Variants in CARMIL1 observed in about 807,000 individuals in gnomAD.
The protein encoded by CARMIL1 is F-actin-uncapping protein LRRC16A.
CARMIL1 carries 90 observed loss-of-function variants against 177.1 expected under a neutral mutation model. The ratio of observed to expected loss-of-function variants is 0.51; its 90% CI spans 0.43 to 0.61. The LOEUF is 0.61. CARMIL1 is among the 20% of genes least tolerant of loss of function. The pLI is 0.00. For synonymous variants in CARMIL1, 577 were observed against 606.2 expected, an observed-to-expected ratio of 0.95 and a Z score of 0.71; for missense variants, 1,380 against 1,667.0, an observed-to-expected ratio of 0.83 and a Z score of 3.00.
chr6:25,565,915 C>T (rs1280768743), intron 29 of CARMIL1, among the ~76,000 whole-genome samples: 1 of 152,200 alleles, frequency 6.6e-6, no homozygotes, highest in Non-Finnish European at 1.5e-5. Flanking sequence ...CTCCAATTAG[C>T]TGTTCAAAAA....
intron 29 of CARMIL1, among the ~76,000 whole-genome samples, chr6:25,570,165 C>T (rs1383928338): frequency 6.6e-6 from 1 of 152,152 alleles, no homozygotes; most frequent in African/African-American, 2.4e-5. Context: ...GGGGTTTCAC[C>T]GTGTTAGCCA....
At chr6:25,507,993 C>A (rs555067734) in intron 17 of CARMIL1, among the ~76,000 whole-genome samples, 7 of 151,988 alleles carry the variant, frequency 4.6e-5, no homozygotes, top group Non-Finnish European at 7.4e-5. Flanking sequence ...GAATAAAATA[C>A]AAGAAATATT....
intron 31 of CARMIL1, among the ~76,000 whole-genome samples, chr6:25,588,622 A>T (rs1582454791): frequency 1.3e-5 from 2 of 152,158 alleles, no homozygotes; most frequent in South Asian, 4.1e-4. Flanking sequence ...GCTTATACTC[A>T]CTCATCCACT....
intron 2 of CARMIL1, among the ~76,000 whole-genome samples, chr6:25,360,787 C>T (rs1173294150): frequency 1.3e-5 from 2 of 152,232 alleles, no homozygotes; most frequent in East Asian, 3.9e-4. Context: ...TTAGACCTTC[C>T]CTTATTCACG....
chr6:25,430,431 G>GTT (rs34148308), intron 4 of CARMIL1, among the ~76,000 whole-genome samples: 128 of 142,392 alleles, frequency 9.0e-4, no homozygotes, highest in African/African-American at 2.8e-3. Context: ...CTTTGAGAAG[G>GTT]TTTTTTTTTT....
chr6:25,325,071 A>C (rs1784965476), intron 2 of CARMIL1, among the ~76,000 whole-genome samples: 2 of 152,158 alleles, frequency 1.3e-5, no homozygotes, highest in African/African-American at 4.8e-5. Flanking sequence ...TTCTAGTGTG[A>C]TGAATATTAG....
intron 32 of CARMIL1, among the ~76,000 whole-genome samples, chr6:25,597,887 C>G (rs1227715782): frequency 6.6e-6 from 1 of 152,156 alleles, no homozygotes; most frequent in Non-Finnish European, 1.5e-5. Context: ...TTGTAGGTTG[C>G]TCTTCATTGT....
At chr6:25,544,525 C>A (rs556871710) in intron 26 of CARMIL1, among the ~76,000 whole-genome samples, 1 of 151,572 alleles carries the variant, frequency 6.6e-6, no homozygotes, top group Non-Finnish European at 1.5e-5. Flanking sequence ...GAATTATATA[C>A]CCAATGGACC....
intron 2 of CARMIL1, among the ~76,000 whole-genome samples, chr6:25,413,409 A>G (rs1474137002): frequency 6.6e-6 from 1 of 152,250 alleles, no homozygotes; most frequent in African/African-American, 2.4e-5. Flanking sequence ...CCTGTGCTGC[A>G]GTAGGCTTTA....
intron 29 of CARMIL1, among the ~76,000 whole-genome samples, chr6:25,573,379 A>G (rs1293802587): frequency 6.6e-6 from 1 of 150,936 alleles, no homozygotes; most frequent in Non-Finnish European, 1.5e-5. Context: ...CATTAGATAA[A>G]AAGAATTCTC....
intron 33 of CARMIL1, 54 bp downstream of exon 33, chr6:25,600,800 A>G: frequency 1.4e-6 from 2 of 1,387,066 alleles, no homozygotes; most frequent in Non-Finnish European, 1.9e-6. Flanking sequence ...TAATAGATGC[A>G]CACATTTTCA....
At chr6:25,472,604 T>C in intron 11 of CARMIL1, 83 bp downstream of exon 11, 1 of 1,126,488 alleles carries the variant, frequency 8.9e-7, no homozygotes, top group Non-Finnish European at 1.3e-6. Flanking sequence ...TGAAGAGCTG[T>C]ATCAAGCTAA....
At chr6:25,483,093 C>A (rs1337055046) in intron 12 of CARMIL1, among the ~76,000 whole-genome samples, 4 of 152,184 alleles carry the variant, frequency 2.6e-5, no homozygotes, top group Non-Finnish European at 5.9e-5. Flanking sequence ...CTTTGTATTA[C>A]TTCAAGATCA....
At chr6:25,362,670 A>AAAAAC (rs983768542) in intron 2 of CARMIL1, among the ~76,000 whole-genome samples, 9 of 152,160 alleles carry the variant, frequency 5.9e-5, no homozygotes, top group South Asian at 2.1e-4. Flanking sequence ...ACTCCGTCTC[A>AAAAAC]AAAACAAAAC....
chr6:25,459,242 C>CTTTCTTTCTTTCTT (rs1554200820), intron 8 of CARMIL1, among the ~76,000 whole-genome samples: 46 of 100,788 alleles, frequency 4.6e-4, no homozygotes, highest in African/African-American at 1.5e-3. Flanking sequence ...TTCTTTCTTT[C>CTTTCTTTCTTTCTT]TTTCTTTCTT....
intron 17 of CARMIL1, among the ~76,000 whole-genome samples, chr6:25,505,425 A>G (rs1461146374): frequency 6.6e-6 from 1 of 152,154 alleles, no homozygotes; most frequent in East Asian, 1.9e-4. Flanking sequence ...GTACCCAAGT[A>G]TCTGAAGAGA....
intron 24 of CARMIL1, among the ~76,000 whole-genome samples, chr6:25,530,052 T>C (rs944009360): frequency 1.7e-4 from 26 of 151,758 alleles, no homozygotes; most frequent in Admixed American, 1.6e-3. Flanking sequence ...ATGAGAGATA[T>C]TAGAGGACAG....
chr6:25,288,226 G>A (rs1461333719), intron 2 of CARMIL1, among the ~76,000 whole-genome samples: 1 of 152,202 alleles, frequency 6.6e-6, no homozygotes, highest in Non-Finnish European at 1.5e-5. Context: ...ACGTCTGGAA[G>A]CCTGAGAGAG....
At chr6:25,286,319 T>C (rs1362585912) in intron 2 of CARMIL1, among the ~76,000 whole-genome samples, 2 of 152,272 alleles carry the variant, frequency 1.3e-5, no homozygotes, top group Admixed American at 6.5e-5. Flanking sequence ...GTAAGGATTA[T>C]GCTTGTGATG....
Sources: allele counts gnomAD v4.1 joint callset (sites outside exome capture counted in the v4.1 genomes callset), GRCh38; gene constraint gnomAD v4.1.1; transcripts MANE v1.5; gene names NCBI Gene and HGNC (gene_info 2026-07-23, HGNC 2026-07-21).